The following CD8B variants were observed in gnomAD, a reference collection of about 807,000 sequenced individuals.
CD8B encodes the protein CD8 subunit beta.
A neutral mutation model predicts 24.2 loss-of-function variants in CD8B; 6 were observed. That is an observed-to-expected ratio of 0.25 (90% confidence interval 0.14 to 0.49). The LOEUF (loss-of-function observed/expected upper bound fraction) is 0.49, where lower values mean the gene tolerates loss of function less well. Ranked by LOEUF, CD8B falls within the 20% of genes least tolerant of loss-of-function variation. CD8B has a pLI of 0.98. For synonymous variants in CD8B, 84 were observed against 108.3 expected (o/e 0.78, Z 1.39); for missense variants, 196 against 271.3 (o/e 0.72, Z 1.95).
chr2:86,860,235 A>C (rs559644053), intron 1 of CD8B, among the ~76,000 whole-genome samples: 1 of 152,394 alleles, frequency 6.6e-6, no homozygotes, highest in African/African-American at 2.4e-5. Context: ...GCGCCACTGC[A>C]CTCCAGCCTG....
intron 5 of CD8B, among the ~76,000 whole-genome samples, chr2:86,823,022 T>C (rs1454333578): frequency 6.6e-6 from 1 of 152,220 alleles, no homozygotes; most frequent in Admixed American, 6.5e-5. Flanking sequence ...TACACTCCAC[T>C]GGCATTAAGT....
Position 86,853,086 on chromosome 2 carries a change from A to T in CD8B, c.404T>A (p.Val135Asp). The stretch of plus-strand genomic sequence containing the variant: ...CTGGGCAGTGGTGGGAAGGAAATCA[A>T]CTACAGAAAGAAAGCAAGACACATA... ...TFGKGTQLSV[V>D]DFLPTTAQPT... The change falls in exon 3 of 6, where the codon GTT becomes GAT. Residue 135 changes from valine (V) to aspartate (D), a missense_variant and splice_region_variant. Val to Asp is a radical substitution (Grantham distance 152). Transcript: ENST00000390655. 1 of 1,541,596 alleles carries T rather than the reference A, an allele frequency of 6.5e-7. No individual in the cohort carries two copies. The highest frequency in any genetic ancestry group is 2.4e-5 in the East Asian group (1 of 40,840).
chr2:86,848,456 C>T (rs529502575), intron 3 of CD8B, among the ~76,000 whole-genome samples: 254 of 152,210 alleles, frequency 1.7e-3, no homozygotes, highest in Non-Finnish European at 2.8e-3. Flanking sequence ...TTTACACTAT[C>T]AATGTCCCAA....
At chr2:86,854,290 C>T (rs1012063524) in intron 2 of CD8B, among the ~76,000 whole-genome samples, 7 of 152,246 alleles carry the variant, frequency 4.6e-5, no homozygotes, top group African/African-American at 1.7e-4. Context: ...CTCGGCATTC[C>T]CTAAGCACAT....
At position 86,859,435 on chromosome 2, in the gene CD8B, C is replaced by G. The variant is rs1676458175; in HGVS notation, c.44-1019G>C. ...AGACCTCAGGCCAGTCACCGAGCCT[C>G]TGTCTTCTTATGAACGGAGGACAGC... is the stretch of plus-strand genomic sequence containing the variant. On this transcript the variant is annotated intron_variant, in intron 1 of 5. Transcript: ENST00000390655. Among the ~76,000 whole-genome samples, 3 of 152,312 alleles carry G rather than the reference C, an allele frequency of 2.0e-5. No homozygotes were observed. In the South Asian group the frequency reaches 6.2e-4, roughly 32 times the overall value.
chr2:86,836,254 G>A (rs71259937), downstream of CD8B, among the ~76,000 whole-genome samples: 6 of 152,228 alleles, frequency 3.9e-5, no homozygotes, highest in East Asian at 3.9e-4. Flanking sequence ...ATTCATTTCA[G>A]TTCTGGCCTC....
intron 5 of CD8B, among the ~76,000 whole-genome samples, chr2:86,828,043 G>A (rs1674760468): frequency 6.6e-6 from 1 of 152,182 alleles, no homozygotes. Flanking sequence ...TTGCTTTCCT[G>A]CCTGGTGACT....
intron 5 of CD8B, among the ~76,000 whole-genome samples, chr2:86,819,122 T>C (rs977539316): frequency 2.6e-5 from 4 of 152,154 alleles, no homozygotes; most frequent in Non-Finnish European, 4.4e-5. Flanking sequence ...AGTTTGAAGC[T>C]AGGAGAGGTT....
At chr2:86,843,722 C>T (rs143391887) in intron 5 of CD8B, 69 of 982,988 alleles carry the variant, frequency 7.0e-5, no homozygotes, top group African/African-American at 5.1e-4. Context: ...GCTCTGACTC[C>T]GGGGTCCTGG....
rs544990715 is a variant in CD8B at position 86,829,471 on chromosome 2, G to A, written c.621-13753C>T. On this transcript the variant is annotated intron_variant, in intron 5 of 5. Coordinates refer to the CD8B transcript ENST00000331469. ...TAATTAGGGAAAAAGGAGTCAGGCT[G>A]GGGGGAGTCAGGCGGGTGGGAGCAA... 3.9e-5 allele frequency among the ~76,000 whole-genome samples: 6 copies of A among 152,164 alleles called. No homozygotes were observed. The South Asian group carries it at 1.0e-3, about 26-fold the overall frequency.
chr2:86,834,168 T>C (rs923564237), downstream of CD8B, among the ~76,000 whole-genome samples: 2 of 152,082 alleles, frequency 1.3e-5, no homozygotes, highest in African/African-American at 4.8e-5. Context: ...TGAGTGACAG[T>C]CCCTAATTCA....
chr2:86,824,661 G>T (rs1020368389), intron 5 of CD8B, among the ~76,000 whole-genome samples: 2 of 152,156 alleles, frequency 1.3e-5, no homozygotes, highest in Admixed American at 1.3e-4. Flanking sequence ...GAGGGAAGGG[G>T]AGGAGAGCTC....
In CD8B at chr2:86,840,544, C is replaced by T. The variant is rs1675371831; in HGVS notation, c.*1763G>A. 6.6e-6 allele frequency among the ~76,000 whole-genome samples: 1 copy of T among 152,166 alleles called. No individual in the cohort carries two copies. The highest frequency in any genetic ancestry group is 1.5e-5 in the Non-Finnish European group (1 of 68,024). On this transcript the variant is annotated 3_prime_UTR_variant, in exon 6 of 6. Coordinates refer to ENST00000390655, the MANE Select transcript of CD8B (RefSeq NM_004931.5). ...ATTAGCCATGGACCAAATCCTTCAC[C>T]CAGATAAGGGGTAGCCAACAGGTAC... is the stretch of plus-strand genomic sequence containing the variant.
At chr2:86,818,825 T>G (rs1674356572) in intron 5 of CD8B, among the ~76,000 whole-genome samples, 1 of 152,214 alleles carries the variant, frequency 6.6e-6, no homozygotes, top group African/African-American at 2.4e-5. Context: ...GAGGAAGGGA[T>G]GCTGAAAGTG....
chr2:86,859,349 G>A (rs1351833126), intron 1 of CD8B, among the ~76,000 whole-genome samples: 1 of 152,138 alleles, frequency 6.6e-6, no homozygotes. Flanking sequence ...TTATTCATGA[G>A]GAGCTAGAGC....
At chr2:86,857,021 C>T (rs949511992) in intron 2 of CD8B, among the ~76,000 whole-genome samples, 8 of 152,130 alleles carry the variant, frequency 5.3e-5, no homozygotes, top group African/African-American at 9.7e-5. Flanking sequence ...TTGAAATGTG[C>T]GTCTGCTGGA....
chr2:86,849,205 G>A (rs1416385147), intron 3 of CD8B, among the ~76,000 whole-genome samples: 5 of 152,294 alleles, frequency 3.3e-5, no homozygotes, highest in Non-Finnish European at 7.3e-5. Context: ...GGTACAGGAG[G>A]GAAGGGAGTG....
Position 86,840,279 on chromosome 2 carries a change from C to A in CD8B, c.*2028G>T, listed in dbSNP as rs1444809960. Reference sequence around the variant, plus strand: ...GCCAATTTGTGCTGACTTCTCAAAGCTGGAGCAAACGGAAAACACCTGGGT... The same window carrying A: ...GCCAATTTGTGCTGACTTCTCAAAGATGGAGCAAACGGAAAACACCTGGGT... On this transcript the variant is annotated 3_prime_UTR_variant, in exon 6 of 6. Transcript: ENST00000390655. 6.6e-6 allele frequency among the ~76,000 whole-genome samples: 1 copy of A among 152,086 alleles called. No individual in the cohort carries two copies. Among genetic ancestry groups the A allele is most frequent in the African/African-American group, 2.4e-5 (1 of 41,372 alleles).
At chr2:86,835,024 GCA>G (rs1675119845), downstream of CD8B, among the ~76,000 whole-genome samples, 1 of 151,410 alleles carries the variant, frequency 6.6e-6, no homozygotes, top group South Asian at 2.1e-4. Flanking sequence ...ACGCACAGGC[GCA>G]CTCTGAAATT....
Sources: gnomAD v4.1 joint callset for allele counts (sites outside exome capture counted in the v4.1 genomes callset) on GRCh38, gnomAD v4.1.1 for gene constraint, MANE v1.5 for transcripts, NCBI Gene and HGNC (gene_info 2026-07-23, HGNC 2026-07-21) for gene names.